VCP: variants seen among roughly 807,000 people sequenced by gnomAD.
VCP encodes transitional endoplasmic reticulum ATPase.
VCP carries 6 observed loss-of-function variants against 85.7 expected under a neutral mutation model. That is an observed-to-expected ratio of 0.07 (90% confidence interval 0.04 to 0.14). The LOEUF (loss-of-function observed/expected upper bound fraction) is 0.14. VCP is among the 10% of genes least tolerant of loss of function. VCP has a pLI of 1.00. For synonymous variants in VCP, 384 were observed against 367.1 expected (o/e 1.05, Z -0.53); for missense variants, 353 against 1,043.4 (o/e 0.34, Z 9.12).
In VCP at chr9:35,066,815, A is replaced by G. The variant is rs1412496313; in HGVS notation, c.305T>C (p.Ile102Thr). The G allele has an allele frequency of 1.2e-6, 2 of 1,614,092 alleles. No homozygotes were observed. The highest frequency in any genetic ancestry group is 1.7e-6 in the Non-Finnish European group (2 of 1,180,026). Residue 102 changes from isoleucine to threonine, a missense_variant and splice_region_variant, in exon 4 of 17, where the codon ATC (isoleucine) becomes ACC (threonine). This residue lies in a region of VCP where 69 missense variants were observed against 132.9 expected (regional missense o/e 0.52). Transcript: ENST00000358901. ...GTACTTCACATCAGGGCATGGCTGGATGCTGAGGATGACAAGCAGACTCCA... is the reference window on the plus strand; with the variant it reads ...GTACTTCACATCAGGGCATGGCTGGGTGCTGAGGATGACAAGCAGACTCCA... ...LRVRLGDVIS[I>T]QPCPDVKYGK...
In VCP at chr9:35,059,291, G is replaced by C. The variant is rs1429297470; in HGVS notation, c.2005-72C>G. 1.2e-5 allele frequency: 19 copies of C among 1,599,604 alleles called. No individual in the cohort carries two copies. Among genetic ancestry groups the C allele is most frequent in the Non-Finnish European group, 1.6e-5 (19 of 1,172,720 alleles). On this transcript the variant is annotated intron_variant, in intron 14 of 16. Transcript: ENST00000358901. This position sits in a 1 kb window ranked among gnomAD's most constrained non-coding sequence, Gnocchi z 4.9. ...AGATACGCAGATCTTTGGGCTACCCGAGCACTCCCAACTACAGTTTGCCCC... is the reference window on the plus strand; with the variant it reads ...AGATACGCAGATCTTTGGGCTACCCCAGCACTCCCAACTACAGTTTGCCCC...
chr9:35,071,514 C>G (rs1005969130), intron 1 of VCP, among the ~76,000 whole-genome samples: 2 of 151,874 alleles, frequency 1.3e-5, no homozygotes, highest in Non-Finnish European at 2.9e-5. Context: ...CTGCACACCA[C>G]GAAACCTGGA....
rs869178164 is a variant in VCP at position 35,071,293 on chromosome 9, G to GTTT, written c.17+1041_17+1043dup. ...CATAGAGTTTCCTTGGGCTGGCTGT[G>GTTT]TTTTTTTTTTTTTTTTTTTTTTTTT... On this transcript the variant is annotated intron_variant, in intron 1 of 16. Coordinates refer to ENST00000358901, the MANE Select transcript of VCP (RefSeq NM_007126.5). Among the ~76,000 whole-genome samples the GTTT allele has an allele frequency of 9.1e-4, 63 of 69,114 alleles. 8 individuals are homozygous for GTTT. Among genetic ancestry groups the GTTT allele is most frequent in the African/African-American group, 2.7e-3 (48 of 17,696 alleles). The allele number at this position is 69,114 out of a possible 152,430, so 45.3% of individuals were successfully genotyped here. A position where few individuals can be genotyped will look rare whatever the true frequency, so the allele number is the denominator to read the frequency against.
In VCP at chr9:35,059,810, G is replaced by A. The variant is rs1391395897; in HGVS notation, c.1696-9C>T. ...GGGGCAGCTTGGCGGGCCTGTAGGAGGAATGGATTGATTCAAGCACTAACA... is the reference window on the plus strand; with the variant it reads ...GGGGCAGCTTGGCGGGCCTGTAGGAAGAATGGATTGATTCAAGCACTAACA... On this transcript the variant is annotated splice_polypyrimidine_tract_variant and intron_variant, in intron 13 of 16. Transcript: ENST00000358901. The surrounding 1 kb of genome is among the most constrained non-coding windows in gnomAD (Gnocchi z 4.9). 3.7e-6 allele frequency: 6 copies of A among 1,613,932 alleles called. No individual in the cohort carries two copies. In the Admixed American group the frequency reaches 6.7e-5, roughly 18 times the overall value.
rs756013193 is a variant in VCP, at chr9:35,068,372, G to A, written c.18-10C>T. ...GTCATCACCTTTTGAACTAGAAGGA[G>A]GAAATGGAGTCAGTAGATACTCCTG... On this transcript the variant is annotated splice_polypyrimidine_tract_variant and intron_variant, in intron 1 of 16. Coordinates refer to ENST00000358901, the MANE Select transcript of VCP (RefSeq NM_007126.5). 6.2e-7 allele frequency: 1 copy of A among 1,612,744 alleles called. No homozygotes were observed. Among genetic ancestry groups the A allele is most frequent in the South Asian group, 1.1e-5 (1 of 91,054 alleles).
intron 16 of VCP, 54 bp downstream of exon 16, chr9:35,057,322 G>A (rs1045000220): frequency 1.2e-6 from 2 of 1,613,920 alleles, no homozygotes; most frequent in East Asian, 2.2e-5. Flanking sequence ...CATCCCTTTT[G>A]GTGTAGGTCC....
At position 35,059,269 on chromosome 9, in the gene VCP, T is replaced by C. The variant is rs561765529; in HGVS notation, c.2005-50A>G. ...TAGCATTTAGCCTCTCCTCTCGAGA[T>C]ACGCAGATCTTTGGGCTACCCGAGC... is the stretch of plus-strand genomic sequence containing the variant. On this transcript the variant is annotated intron_variant, in intron 14 of 16. Transcript: ENST00000358901. The surrounding 1 kb of genome is among the most constrained non-coding windows in gnomAD (Gnocchi z 4.9). The C allele has an allele frequency of 4.3e-6, 7 of 1,611,538 alleles. No homozygotes were observed. In the African/African-American group the frequency reaches 9.3e-5, roughly 21 times the overall value.
intron 1 of VCP, 40 bp from the exon 2 acceptor site, chr9:35,068,402 A>ATTT: frequency 6.4e-7 from 1 of 1,550,766 alleles, no homozygotes; most frequent in Non-Finnish European, 8.9e-7. Context: ...CTCCTGCCCC[A>ATTT]AGCGCCTCGC....
chr9:35,060,950 G>C, intron 11 of VCP, 27 bp from the exon 12 acceptor site: 5 of 1,614,206 alleles, frequency 3.1e-6, no homozygotes, highest in Non-Finnish European at 4.2e-6. Flanking sequence ...AACTGGGGAT[G>C]AGACTTATCA....
chr9:35,062,292 A>G lies in VCP; in HGVS notation c.870T>C (p.Phe290=). ...GESESNLRKA[F]EEAEKNAPAI... is the part of the protein sequence containing the mutation. Reference sequence around the variant, plus strand: ...CAGGAGCATTCTTCTCAGCCTCCTCAAAGGCTTTACGAAGGTTGCTCTCAG... The same window carrying G: ...CAGGAGCATTCTTCTCAGCCTCCTCGAAGGCTTTACGAAGGTTGCTCTCAG... Residue 290 remains phenylalanine, a synonymous_variant, in exon 8 of 17, where the codon TTT becomes TTC. Coordinates refer to ENST00000358901, the MANE Select transcript of VCP (RefSeq NM_007126.5). The G allele has an allele frequency of 6.2e-7, 1 of 1,614,174 alleles. No individual in the cohort carries two copies. Among genetic ancestry groups the G allele is most frequent in the Non-Finnish European group, 8.5e-7 (1 of 1,180,030 alleles).
chr9:35,064,930 C>A (rs970074858), intron 5 of VCP, among the ~76,000 whole-genome samples: 1 of 152,180 alleles, frequency 6.6e-6, no homozygotes, highest in Non-Finnish European at 1.5e-5. Flanking sequence ...TGCAGTGGCA[C>A]AATCTCAGCT....
Position 35,061,610 on chromosome 9 carries a change from G to A in VCP, c.1161C>T (p.Asn387=). ...GGTCCACATCATCTGCCAGCTTCAT[G>A]TTCTTGGTATGGATCTGAAGAATCT... ...RLEILQIHTK[N]MKLADDVDLE... is the part of the protein sequence containing the mutation. Residue 387 remains asparagine (N), a synonymous_variant, in exon 10 of 17, where the codon AAC becomes AAT. Coordinates refer to ENST00000358901, the MANE Select transcript of VCP (RefSeq NM_007126.5). 1 of 1,614,200 alleles carries A rather than the reference G, an allele frequency of 6.2e-7. No individual in the cohort carries two copies. The highest frequency in any genetic ancestry group is 8.5e-7 in the Non-Finnish European group (1 of 1,180,036).
chr9:35,067,181 T>C (rs1317706189), intron 3 of VCP, among the ~76,000 whole-genome samples: 1 of 152,042 alleles, frequency 6.6e-6, no homozygotes, highest in Non-Finnish European at 1.5e-5. Flanking sequence ...AAAACAAAAT[T>C]ATCTCAGCCA....
chr9:35,067,818 T>C, intron 3 of VCP, 73 bp downstream of exon 3: 5 of 1,599,050 alleles, frequency 3.1e-6, no homozygotes, highest in East Asian at 2.2e-5. Context: ...CTGCCTGTAA[T>C]ACATGGGTCC....
chr9:35,057,903 A>ATTGTATT (rs1256111087), intron 15 of VCP: 1 of 353,712 alleles, frequency 2.8e-6, no homozygotes, highest in Non-Finnish European at 5.4e-6. Flanking sequence ...AGTGAATTTT[A>ATTGTATT]TTGTATTTAT....
rs778663878 is a variant in VCP at position 35,062,145 on chromosome 9, G to T, written c.946-7C>A. The T allele has an allele frequency of 1.2e-6, 2 of 1,614,148 alleles. No individual in the cohort carries two copies. The highest frequency in any genetic ancestry group is 1.7e-6 in the Non-Finnish European group (2 of 1,180,024). On this transcript the variant is annotated splice_polypyrimidine_tract_variant and splice_region_variant and intron_variant, in intron 8 of 16. Transcript: ENST00000358901. ...GCTCCACCTCGCCATGAGTCTGCCA[G>T]AACAGGATGTCTGGTCAGAAGTGAA...
Position 35,059,337 on chromosome 9 carries a change from A to G in VCP, c.2005-118T>C, listed in dbSNP as rs1457386551. ...GCCCCTTCTTTGGCCACCCCATTTT[A>G]TTCCTGATTCTAGATTATCTTGATA... On this transcript the variant is annotated intron_variant, in intron 14 of 16. Transcript: ENST00000358901. The surrounding 1 kb of genome is among the most constrained non-coding windows in gnomAD (Gnocchi z 4.9). The G allele has an allele frequency of 7.1e-6, 11 of 1,539,670 alleles. No homozygotes were observed. The highest frequency in any genetic ancestry group is 8.8e-6 in the Non-Finnish European group (10 of 1,133,742).
In VCP at chr9:35,064,247, G is replaced by A. The variant is rs1008114940; in HGVS notation, c.615C>T (p.Asp205=). ...CTAGCTGCTTCCTGCAGCCACCAAT[G>A]TCATCATACCCTACTTCATTCAAGG... ...EESLNEVGYD[D]IGGCRKQLAQ... is the part of the protein sequence containing the mutation. Residue 205 remains aspartate, a synonymous_variant, in exon 6 of 17, where the codon GAC becomes GAT. Transcript: ENST00000358901. The A allele has an allele frequency of 1.2e-6, 2 of 1,614,166 alleles. No individual in the cohort carries two copies. The highest frequency in any genetic ancestry group is 4.5e-5 in the East Asian group (2 of 44,892).
At chr9:35,062,401 T>C (rs1289588672) in intron 7 of VCP, 51 bp from the exon 8 acceptor site, 1 of 1,613,228 alleles carries the variant, frequency 6.2e-7, no homozygotes, top group South Asian at 1.1e-5. Flanking sequence ...CTTTCCCAAT[T>C]CCTCCCAAAA....
Sources: allele counts gnomAD v4.1 joint callset (sites outside exome capture counted in the v4.1 genomes callset), GRCh38; gene constraint gnomAD v4.1.1; regional missense constraint gnomAD v4.1.1; non-coding constraint Gnocchi (gnomAD v3.1); transcripts MANE v1.5; gene names NCBI Gene and HGNC (gene_info 2026-07-23, HGNC 2026-07-21).